The following TBC1D22B variants were observed in gnomAD, a reference collection of about 807,000 sequenced individuals.
TBC1D22B encodes TBC1 domain family member 22B, also known as chromosome 6 open reading frame 197.
A neutral mutation model predicts 69.1 loss-of-function variants in TBC1D22B; 32 were observed. That is an observed-to-expected ratio of 0.46 (90% confidence interval 0.35 to 0.62). The LOEUF is 0.62. Among genes scored for constraint, TBC1D22B ranks in the 20% least tolerant of loss-of-function variants. The probability of loss-of-function intolerance (pLI) is 0.00; values close to 1 mark genes in which losing one functional copy is unlikely to be tolerated. For synonymous variants in TBC1D22B, 206 were observed against 229.8 expected (o/e 0.90, Z 0.94); for missense variants, 462 against 630.9 (o/e 0.73, Z 2.87).
intron 12 of TBC1D22B, among the ~76,000 whole-genome samples, chr6:37,326,524 C>T (rs1768409115): frequency 1.3e-5 from 2 of 152,110 alleles, no homozygotes; most frequent in South Asian, 4.1e-4. Flanking sequence ...CACAGTGGCT[C>T]ACGCCTGTAA....
intron 1 of TBC1D22B, among the ~76,000 whole-genome samples, chr6:37,261,299 G>T (rs1562035966): frequency 6.6e-6 from 1 of 152,000 alleles, no homozygotes; most frequent in South Asian, 2.1e-4. Flanking sequence ...GGGCTTGGTG[G>T]TGTGTGCCTG....
chr6:37,257,802 A>G lies in TBC1D22B; in HGVS notation c.-116A>G, dbSNP rs1387620367. Reference sequence around the variant, plus strand: ...CAAGATGGCGTCCCCAGGAGCTGGGAGCGGGTGACCGGCGGCGGGGAAGCG... The same window carrying G: ...CAAGATGGCGTCCCCAGGAGCTGGGGGCGGGTGACCGGCGGCGGGGAAGCG... On this transcript the variant is annotated 5_prime_UTR_variant, in exon 1 of 13. Coordinates refer to ENST00000373491, the MANE Select transcript of TBC1D22B (RefSeq NM_017772.4). 6.7e-5 allele frequency: 76 copies of G among 1,141,484 alleles called. 1 individual carries two copies. The highest frequency in any genetic ancestry group is 2.0e-5 in the Non-Finnish European group (16 of 795,032). 70.7% of individuals were successfully genotyped at this position (1,141,484 alleles called of 1,614,324 possible).
intron 1 of TBC1D22B, among the ~76,000 whole-genome samples, chr6:37,260,651 C>T (rs1766060775): frequency 6.6e-6 from 1 of 152,174 alleles, no homozygotes; most frequent in African/African-American, 2.4e-5. Context: ...TCCCCATCCA[C>T]CCCACTCCAG....
intron 8 of TBC1D22B, among the ~76,000 whole-genome samples, chr6:37,311,720 AT>A (rs1767917675): frequency 1.3e-5 from 2 of 152,288 alleles, no homozygotes; most frequent in South Asian, 4.1e-4. Context: ...TTCTGAATAC[AT>A]TTTGTCTAAT....
At chr6:37,287,884 A>G (rs1767057271) in intron 7 of TBC1D22B, among the ~76,000 whole-genome samples, 1 of 152,170 alleles carries the variant, frequency 6.6e-6, no homozygotes, top group Non-Finnish European at 1.5e-5. Context: ...TTTTGGGTAT[A>G]TATTTAGAAG....
chr6:37,267,421 CAT>C (rs1350550044), intron 1 of TBC1D22B, among the ~76,000 whole-genome samples: 13 of 130,264 alleles, frequency 1.0e-4, no homozygotes, highest in Admixed American at 1.6e-4. Context: ...TATATATACA[CAT>C]ATAATATATA....
At chr6:37,293,084 AT>A (rs1164959921) in intron 8 of TBC1D22B, among the ~76,000 whole-genome samples, 19 of 143,418 alleles carry the variant, frequency 1.3e-4, no homozygotes, top group South Asian at 4.4e-4. Context: ...TATTATTATT[AT>A]TTTTTTTTTT....
chr6:37,301,328 C>T (rs1014766818), intron 8 of TBC1D22B, among the ~76,000 whole-genome samples: 3 of 152,132 alleles, frequency 2.0e-5, no homozygotes, highest in Non-Finnish European at 4.4e-5. Context: ...AGTTGTATGT[C>T]ACCACAATCA....
intron 2 of TBC1D22B, among the ~76,000 whole-genome samples, chr6:37,273,529 A>G (rs772857430): frequency 1.3e-5 from 2 of 152,238 alleles, no homozygotes; most frequent in Non-Finnish European, 2.9e-5. Context: ...CATATCCCAA[A>G]CTGCCAAGGC....
rs879438400 is a variant in TBC1D22B at position 37,267,440 on chromosome 6, CAT to C, written c.57-2148_57-2147del. Reference sequence around the variant, plus strand: ...TATACACATATAATATATATACACACATATATAATATATATATACACATATAT... The same window carrying C: ...TATACACATATAATATATATACACACATATAATATATATATACACATATAT... On this transcript the variant is annotated intron_variant, in intron 1 of 12. Transcript: ENST00000373491. Among the ~76,000 whole-genome samples, 305 of 139,478 alleles carry C rather than the reference CAT, an allele frequency of 2.2e-3. 7 individuals carry two copies. Among genetic ancestry groups the C allele is most frequent in the Admixed American group, 0.019 (249 of 13,364 alleles). The allele number at this position is 139,478 out of a possible 152,430, so 91.5% of individuals were successfully genotyped here. A position where few individuals can be genotyped will look rare whatever the true frequency, so the allele number is the denominator to read the frequency against.
At chr6:37,270,145 T>C (rs550222417) in intron 2 of TBC1D22B, among the ~76,000 whole-genome samples, 1 of 152,310 alleles carries the variant, frequency 6.6e-6, no homozygotes, top group East Asian at 1.9e-4. Flanking sequence ...CAGGCATATG[T>C]ACAGTAGAGT....
chr6:37,263,742 C>T (rs947693947), intron 1 of TBC1D22B, among the ~76,000 whole-genome samples: 1 of 152,152 alleles, frequency 6.6e-6, no homozygotes, highest in Non-Finnish European at 1.5e-5. Flanking sequence ...TGCCACCACA[C>T]CCAGCTAATT....
At chr6:37,298,064 G>C (rs1767442224) in intron 8 of TBC1D22B, among the ~76,000 whole-genome samples, 1 of 152,158 alleles carries the variant, frequency 6.6e-6, no homozygotes, top group Non-Finnish European at 1.5e-5. Context: ...GGGCCCAGGG[G>C]AGAGATAGCA....
Position 37,313,020 on chromosome 6 carries a change from TC to T in TBC1D22B, c.1087del (p.Gln363ArgfsTer15). 1 of 1,613,676 alleles carries T rather than the reference TC, an allele frequency of 6.2e-7. No individual in the cohort carries two copies. Among genetic ancestry groups the T allele is most frequent in the Non-Finnish European group, 8.5e-7 (1 of 1,179,580 alleles). On this transcript the variant is annotated frameshift_variant, in exon 9 of 13. Coordinates refer to ENST00000373491, the MANE Select transcript of TBC1D22B (RefSeq NM_017772.4). LOFTEE classifies it high-confidence loss of function. Reference sequence around the variant, plus strand: ...TGCATGAGCAAGCTGCTGGATGGAATCCAGGTGAGCTGCTTCTGCCCTTGTG... The same window carrying T: ...TGCATGAGCAAGCTGCTGGATGGAATCAGGTGAGCTGCTTCTGCCCTTGTG... The part of the protein sequence containing the change: ...FWCMSKLLDG[I>X]QDNYTFAQPG...
chr6:37,274,596 T>C (rs143682263), intron 2 of TBC1D22B, among the ~76,000 whole-genome samples: 1,839 of 152,328 alleles, frequency 0.012, 32 homozygotes, highest in Middle Eastern at 0.044. Context: ...ATTCATAAAA[T>C]AGAGATAGTA....
chr6:37,329,131 C>T (rs1008333046), intron 12 of TBC1D22B, among the ~76,000 whole-genome samples: 1 of 152,206 alleles, frequency 6.6e-6, no homozygotes, highest in African/African-American at 2.4e-5. Context: ...AGGCTTCCCT[C>T]CCAAAGGGTA....
intron 1 of TBC1D22B, among the ~76,000 whole-genome samples, chr6:37,260,534 A>G (rs947587282): frequency 1.3e-5 from 2 of 152,218 alleles, no homozygotes; most frequent in Non-Finnish European, 2.9e-5. Flanking sequence ...ATTCAGTGGT[A>G]TTTAGTATAT....
intron 12 of TBC1D22B, among the ~76,000 whole-genome samples, chr6:37,325,892 C>T (rs371307763): frequency 2.0e-5 from 3 of 152,114 alleles, no homozygotes; most frequent in East Asian, 3.8e-4. Context: ...AGACTAGGGT[C>T]GGGGCTAGAG....
At chr6:37,276,149 G>A (rs1365977150) in intron 2 of TBC1D22B, among the ~76,000 whole-genome samples, 1 of 151,894 alleles carries the variant, frequency 6.6e-6, no homozygotes, top group Non-Finnish European at 1.5e-5. Context: ...ATTTTTAGTA[G>A]AGATGAGGTT....
Sources: allele counts gnomAD v4.1 joint callset (sites outside exome capture counted in the v4.1 genomes callset), GRCh38; gene constraint gnomAD v4.1.1; transcripts MANE v1.5; gene names NCBI Gene and HGNC (gene_info 2026-07-23, HGNC 2026-07-21).